The following SGCD variants were observed in gnomAD, a reference collection of about 807,000 sequenced individuals.
SGCD encodes sarcoglycan delta, also known as delta-sarcoglycan.
A neutral mutation model predicts 36.6 loss-of-function variants in SGCD; 18 were observed. The ratio of observed to expected loss-of-function variants is 0.49; its 90% CI spans 0.34 to 0.73. SGCD has a LOEUF of 0.73. Ranked by LOEUF, SGCD falls within the 30% of genes least tolerant of loss-of-function variation. The pLI is 0.01. For missense variants in SGCD, 387 were observed against 346.7 expected, an observed-to-expected ratio of 1.12 and a Z score of -0.92; for synonymous variants, 133 against 130.6, an observed-to-expected ratio of 1.02 and a Z score of -0.12.
chr5:156,699,169 G>C (rs1169159858), intron 7 of SGCD, among the ~76,000 whole-genome samples: 1 of 152,138 alleles, frequency 6.6e-6, no homozygotes, highest in African/African-American at 2.4e-5. Flanking sequence ...AGACACTTTT[G>C]TATGAGAAAT....
At chr5:156,125,629 C>T (rs1762152755) in intron 3 of SGCD, among the ~76,000 whole-genome samples, 1 of 151,718 alleles carries the variant, frequency 6.6e-6, no homozygotes, top group South Asian at 2.1e-4. Flanking sequence ...AATTATTTTT[C>T]TCTTTTTGAC....
At chr5:155,940,913 A>T (rs4704876) in intron 1 of SGCD, among the ~76,000 whole-genome samples, 1 of 151,940 alleles carries the variant, frequency 6.6e-6, no homozygotes, top group African/African-American at 2.4e-5. Flanking sequence ...AATTGTTATT[A>T]TCCTGATCAT....
Position 156,019,288 on chromosome 5 carries a change from G to A in SGCD, c.-281-98590G>A, listed in dbSNP as rs116251335. Among the ~76,000 whole-genome samples the A allele has an allele frequency of 1.9e-3, 285 of 152,160 alleles. 1 individual carries two copies. The highest frequency in any genetic ancestry group is 3.1e-3 in the Non-Finnish European group (213 of 67,992). On this transcript the variant is annotated intron_variant, in intron 1 of 9. Transcript: ENST00000517913. ...GGAGCAGTAAATCACCATATGCTAC[G>A]CTACTTCTAGGCTTGGACTCAGAAC...
intron 7 of SGCD, among the ~76,000 whole-genome samples, chr5:156,727,651 CT>C (rs1418895586): frequency 6.6e-6 from 1 of 151,236 alleles, no homozygotes; most frequent in East Asian, 2.0e-4. Flanking sequence ...TAATACAAAA[CT>C]GTGAAGTTAG....
chr5:156,123,518 T>G (rs1762096903), intron 2 of SGCD, among the ~76,000 whole-genome samples: 1 of 152,168 alleles, frequency 6.6e-6, no homozygotes, highest in African/African-American at 2.4e-5. Flanking sequence ...AAAGATTTGC[T>G]TGACACACGG....
Position 156,759,434 on chromosome 5 carries a change from T to G in SGCD, c.*44T>G. The G allele has an allele frequency of 1.4e-6, 2 of 1,465,816 alleles. No homozygotes were observed. Among genetic ancestry groups the G allele is most frequent in the Non-Finnish European group, 1.9e-6 (2 of 1,080,358 alleles). 90.8% of individuals were successfully genotyped at this position (1,465,816 alleles called of 1,614,324 possible). A position where few individuals can be genotyped will look rare whatever the true frequency, so the allele number is the denominator to read the frequency against. ...CATTGTTGGCAGCATAAAGGCCTTT[T>G]TTGGCTTTAGACACTGGCTGCCAGC... On this transcript the variant is annotated 3_prime_UTR_variant, in exon 9 of 9. Transcript: ENST00000337851.
At chr5:156,177,959 G>T (rs987211247) in intron 3 of SGCD, among the ~76,000 whole-genome samples, 6 of 152,158 alleles carry the variant, frequency 3.9e-5, no homozygotes, top group Non-Finnish European at 8.8e-5. Context: ...AATATAAGAA[G>T]TCAAGATGGA....
intron 3 of SGCD, chr5:156,394,008 A>T (rs1018749930): frequency 1.4e-5 from 5 of 354,520 alleles, no homozygotes; most frequent in Admixed American, 1.1e-4. Context: ...AATTACATCA[A>T]TTGTGATTTA....
At chr5:156,611,299 A>G (rs1761793457) in intron 6 of SGCD, among the ~76,000 whole-genome samples, 1 of 152,092 alleles carries the variant, frequency 6.6e-6, no homozygotes, top group South Asian at 2.1e-4. Context: ...ATTTTTTGTA[A>G]GTTATGACGA....
At chr5:156,662,056 AT>A (rs1198545539) in intron 7 of SGCD, among the ~76,000 whole-genome samples, 2 of 147,332 alleles carry the variant, frequency 1.4e-5, no homozygotes, top group Non-Finnish European at 3.0e-5. Flanking sequence ...TCTTCCACTA[AT>A]TTAATTTCTT....
At chr5:156,631,158 T>C (rs898887706) in intron 6 of SGCD, among the ~76,000 whole-genome samples, 2 of 152,302 alleles carry the variant, frequency 1.3e-5, no homozygotes, top group African/African-American at 4.8e-5. Flanking sequence ...ATTTTCATAA[T>C]GGGTCAGAAA....
chr5:156,103,283 T>G (rs1401710836), intron 1 of SGCD, among the ~76,000 whole-genome samples: 1 of 152,080 alleles, frequency 6.6e-6, no homozygotes, highest in Non-Finnish European at 1.5e-5. Flanking sequence ...GCCCATGGGG[T>G]GCCATGCCCA....
chr5:156,401,652 A>C (rs1772152791), intron 3 of SGCD, among the ~76,000 whole-genome samples: 1 of 152,178 alleles, frequency 6.6e-6, no homozygotes, highest in Admixed American at 6.5e-5. Context: ...GCACTGTGCA[A>C]GGTACTGGGG....
chr5:155,728,001 T>A, the SGCD span, among the ~76,000 whole-genome samples: 1 of 151,560 alleles, frequency 6.6e-6, no homozygotes, highest in Non-Finnish European at 1.5e-5. Context: ...GGAGTGGAGC[T>A]CCCCCCACCC....
intron 6 of SGCD, among the ~76,000 whole-genome samples, chr5:156,602,163 C>T (rs1210556829): frequency 1.3e-5 from 2 of 152,036 alleles, no homozygotes; most frequent in Non-Finnish European, 2.9e-5. Flanking sequence ...ATCTTTTCAC[C>T]TCCTTGCTTA....
At chr5:155,870,950 A>G (rs1218134284) in intron 1 of SGCD, among the ~76,000 whole-genome samples, 2 of 152,206 alleles carry the variant, frequency 1.3e-5, no homozygotes, top group Non-Finnish European at 2.9e-5. Flanking sequence ...AAATTACTCA[A>G]GATGAAAATC....
At chr5:156,630,661 T>C (rs1276964459) in intron 6 of SGCD, among the ~76,000 whole-genome samples, 1 of 152,210 alleles carries the variant, frequency 6.6e-6, no homozygotes, top group Non-Finnish European at 1.5e-5. Flanking sequence ...TAGATATTTA[T>C]GAGAATTTAA....
chr5:155,929,344 T>C (rs1370369783), intron 1 of SGCD, among the ~76,000 whole-genome samples: 1 of 152,236 alleles, frequency 6.6e-6, no homozygotes, highest in Non-Finnish European at 1.5e-5. Flanking sequence ...CAGTAAATGC[T>C]TTTGTGCAAA....
At position 156,697,838 on chromosome 5, in the gene SGCD, T is replaced by A. The variant is rs938876328; in HGVS notation, c.575+50302T>A. On this transcript the variant is annotated intron_variant, in intron 7 of 8. Transcript: ENST00000337851. Reference sequence around the variant, plus strand: ...GTGGGCAGACAGACTGACGGATACATGCATGACCCACTCTCTAATATATAG... The same window carrying A: ...GTGGGCAGACAGACTGACGGATACAAGCATGACCCACTCTCTAATATATAG... Among the ~76,000 whole-genome samples the A allele has an allele frequency of 2.6e-5, 4 of 152,266 alleles. No homozygotes were observed. In the East Asian group the frequency reaches 5.8e-4, roughly 22 times the overall value.
Sources: allele counts gnomAD v4.1 joint callset (sites outside exome capture counted in the v4.1 genomes callset), GRCh38; gene constraint gnomAD v4.1.1; transcripts MANE v1.5; gene names NCBI Gene and HGNC (gene_info 2026-07-23, HGNC 2026-07-21).